The following MCC variants were observed in gnomAD, a reference collection of about 807,000 sequenced individuals.
MCC encodes colorectal mutant cancer protein.
MCC carries 90 observed loss-of-function variants against 116.2 expected under a neutral mutation model. That is an observed-to-expected ratio of 0.77 (90% CI 0.65 to 0.92). MCC has a LOEUF of 0.92. MCC is among the 40% of genes least tolerant of loss of function. MCC has a pLI of 0.00. For synonymous variants in MCC, 578 were observed against 510.5 expected (o/e 1.13, Z -1.78); for missense variants, 1,516 against 1,312.2 (o/e 1.16, Z -2.40).
At position 113,486,569 on chromosome 5, in the gene MCC, A is replaced by T. The variant is rs76513066; in HGVS notation, c.170+1676T>A. ...TAAACTTTTTTGCATCCATGCGGGG[A>T]GCGGTGGCTCAGGCCTGTAATCTCA... is the stretch of plus-strand genomic sequence containing the variant. On this transcript the variant is annotated intron_variant, in intron 1 of 18. Coordinates refer to ENST00000408903, the MANE Select transcript of MCC (RefSeq NM_001085377.2). Among the ~76,000 whole-genome samples the T allele has an allele frequency of 3.7e-4, 57 of 152,254 alleles. No homozygotes were observed. The East Asian group carries it at 9.8e-3, about 26-fold the overall frequency.
chr5:113,392,661 AAT>A (rs1460329428), intron 1 of MCC, among the ~76,000 whole-genome samples: 1 of 152,196 alleles, frequency 6.6e-6, no homozygotes, highest in Non-Finnish European at 1.5e-5. Flanking sequence ...CAATAATATT[AAT>A]AGTCATATTT....
intron 1 of MCC, among the ~76,000 whole-genome samples, chr5:113,431,728 G>A (rs953566781): frequency 1.5e-5 from 2 of 134,332 alleles, no homozygotes; most frequent in Non-Finnish European, 3.1e-5. Flanking sequence ...AGGCGCGGTG[G>A]CTCACGCCTG....
At chr5:113,221,836 C>T (rs988454523) in intron 3 of MCC, among the ~76,000 whole-genome samples, 6 of 151,866 alleles carry the variant, frequency 4.0e-5, no homozygotes, top group African/African-American at 9.7e-5. Context: ...CTGTGATCCT[C>T]GAACATTTGG....
chr5:113,195,300 C>A lies in MCC; in HGVS notation c.628-43878G>T, dbSNP rs141176990. Among the ~76,000 whole-genome samples, 105 of 152,318 alleles carry A rather than the reference C, an allele frequency of 6.9e-4. 1 individual carries two copies. Among genetic ancestry groups the A allele is most frequent in the African/African-American group, 2.5e-3 (103 of 41,562 alleles). On this transcript the variant is annotated intron_variant, in intron 3 of 18. Transcript: ENST00000408903. ...CAGCATCGGGAATGTAGAACCTCTA[C>A]CAGCACATACAGGCAGAAAGCAAAT...
At chr5:113,252,427 A>G (rs1764837828) in intron 3 of MCC, among the ~76,000 whole-genome samples, 1 of 152,162 alleles carries the variant, frequency 6.6e-6, no homozygotes, top group South Asian at 2.1e-4. Flanking sequence ...TTGTAAACTG[A>G]GCACGTGAGG....
chr5:113,043,441 C>T (rs1423824105), intron 17 of MCC, 89 bp downstream of exon 17: 1 of 1,205,860 alleles, frequency 8.3e-7, no homozygotes, highest in Non-Finnish European at 1.2e-6. Flanking sequence ...ACATCAGCAC[C>T]TTCTCCTTTT....
chr5:113,324,536 C>CGTTT (rs764724042), intron 3 of MCC, among the ~76,000 whole-genome samples: 100 of 152,058 alleles, frequency 6.6e-4, no homozygotes, highest in Non-Finnish European at 1.3e-3. Context: ...AATATACTGG[C>CGTTT]TAAACCTAAG....
At chr5:113,192,424 T>C (rs79224825) in intron 3 of MCC, among the ~76,000 whole-genome samples, 7,907 of 152,322 alleles carry the variant, frequency 0.052, 251 homozygotes, top group Non-Finnish European at 0.058. Context: ...ATATTGTCTG[T>C]AGGAAATTTG....
intron 3 of MCC, among the ~76,000 whole-genome samples, chr5:113,197,132 G>C (rs1285147235): frequency 2.0e-5 from 3 of 152,148 alleles, no homozygotes; most frequent in Non-Finnish European, 2.9e-5. Flanking sequence ...GTGGTGGGCT[G>C]GGGGGTCCGC....
chr5:113,158,808 A>G (rs1263636567), intron 3 of MCC, among the ~76,000 whole-genome samples: 2 of 152,232 alleles, frequency 1.3e-5, no homozygotes, highest in African/African-American at 4.8e-5. Context: ...AGTACCGGAG[A>G]TAATAACACA....
chr5:113,313,297 A>G (rs1767184020), intron 3 of MCC, among the ~76,000 whole-genome samples: 1 of 152,200 alleles, frequency 6.6e-6, no homozygotes, highest in Admixed American at 6.5e-5. Flanking sequence ...CAGTGAGCCA[A>G]GATGGCACCA....
At chr5:113,447,139 C>T (rs1488369579) in intron 1 of MCC, among the ~76,000 whole-genome samples, 1 of 152,026 alleles carries the variant, frequency 6.6e-6, no homozygotes, top group African/African-American at 2.4e-5. Context: ...GCACCTTTGT[C>T]TAAACTGATC....
intron 3 of MCC, among the ~76,000 whole-genome samples, chr5:113,256,569 G>A (rs918638484): frequency 3.3e-5 from 5 of 152,122 alleles, no homozygotes; most frequent in African/African-American, 9.7e-5. Flanking sequence ...TTCAAGAAAC[G>A]TCAAGTTCAA....
intron 3 of MCC, among the ~76,000 whole-genome samples, chr5:113,169,453 A>T (rs111660393): frequency 1.1e-4 from 16 of 152,122 alleles, no homozygotes; most frequent in African/African-American, 2.7e-4. Context: ...ACCAGCATGG[A>T]CCAGCAAGGC....
intron 3 of MCC, among the ~76,000 whole-genome samples, chr5:113,176,292 A>G (rs894087838): frequency 1.7e-4 from 26 of 152,366 alleles, no homozygotes; most frequent in African/African-American, 6.0e-4. Flanking sequence ...GACTGTATTA[A>G]CAGCCCAGCA....
chr5:113,290,832 T>G (rs1374599010), intron 3 of MCC, among the ~76,000 whole-genome samples: 6 of 152,204 alleles, frequency 3.9e-5, no homozygotes, highest in Non-Finnish European at 8.8e-5. Context: ...TGCTTTTGAT[T>G]TGCCTGATGT....
In MCC at chr5:113,448,894, T is replaced by C. The variant is rs1406481790; in HGVS notation, c.170+39351A>G. 2.6e-5 allele frequency among the ~76,000 whole-genome samples: 4 copies of C among 152,222 alleles called. No individual in the cohort carries two copies. The South Asian group carries it at 8.3e-4, about 32-fold the overall frequency. Reference sequence around the variant, plus strand: ...TGATTCTGACCTTTTTAATCTTGTATTTTATTTATTCCTCTCAGTAAAGAA... The same window carrying C: ...TGATTCTGACCTTTTTAATCTTGTACTTTATTTATTCCTCTCAGTAAAGAA... On this transcript the variant is annotated intron_variant, in intron 1 of 18. Coordinates refer to ENST00000408903, the MANE Select transcript of MCC (RefSeq NM_001085377.2).
chr5:113,285,044 T>A (rs1438122587), intron 3 of MCC, among the ~76,000 whole-genome samples: 1 of 152,202 alleles, frequency 6.6e-6, no homozygotes, highest in Non-Finnish European at 1.5e-5. Flanking sequence ...TGCCACTCAT[T>A]TTTTTAAACC....
intron 2 of MCC, among the ~76,000 whole-genome samples, chr5:113,371,766 C>T (rs896340915): frequency 2.6e-5 from 4 of 152,134 alleles, no homozygotes; most frequent in African/African-American, 9.7e-5. Flanking sequence ...TTTATGTTCT[C>T]CAATGAATTT....
Sources: gnomAD v4.1 joint callset for allele counts (sites outside exome capture counted in the v4.1 genomes callset) on GRCh38, gnomAD v4.1.1 for gene constraint, MANE v1.5 for transcripts, NCBI Gene and HGNC (gene_info 2026-07-23, HGNC 2026-07-21) for gene names.